Variants in ANKS1B observed in about 807,000 individuals in gnomAD.
ANKS1B encodes the protein ankyrin repeat and sterile alpha motif domain-containing protein 1B.
A neutral mutation model predicts 148.3 loss-of-function variants in ANKS1B; 36 were observed. That is an observed-to-expected ratio of 0.24 (90% CI 0.19 to 0.32). ANKS1B has a LOEUF of 0.32. Ranked by LOEUF, ANKS1B falls within the 10% of genes least tolerant of loss-of-function variation. ANKS1B has a pLI of 1.00. For missense variants in ANKS1B, 1,157 were observed against 1,542.6 expected (o/e 0.75, Z 4.19); for synonymous variants, 542 against 560.8 (o/e 0.97, Z 0.47).
intron 12 of ANKS1B, among the ~76,000 whole-genome samples, chr12:99,366,662 A>G (rs2092787388): frequency 2.0e-5 from 3 of 152,200 alleles, no homozygotes; most frequent in African/African-American, 7.2e-5. Flanking sequence ...AAAAGTAAAA[A>G]AAATTGAATT....
At chr12:99,483,297 C>T (rs1161321629) in intron 10 of ANKS1B, among the ~76,000 whole-genome samples, 1 of 151,794 alleles carries the variant, frequency 6.6e-6, no homozygotes, top group African/African-American at 2.4e-5. Context: ...TGTAATGTAT[C>T]ACACTTATTG....
At chr12:98,885,994 G>A (rs1567541359) in intron 17 of ANKS1B, among the ~76,000 whole-genome samples, 1 of 152,076 alleles carries the variant, frequency 6.6e-6, no homozygotes, top group Non-Finnish European at 1.5e-5. Context: ...GCATTCTAAG[G>A]GAGGGAGGCA....
chr12:99,673,530 T>C (rs1443271009), intron 8 of ANKS1B, among the ~76,000 whole-genome samples: 2 of 152,068 alleles, frequency 1.3e-5, no homozygotes, highest in African/African-American at 2.4e-5. Context: ...AGTATAAGCA[T>C]TATATGACAT....
chr12:99,520,301 CTTTA>C (rs1209012473), intron 9 of ANKS1B, among the ~76,000 whole-genome samples: 5 of 152,114 alleles, frequency 3.3e-5, no homozygotes, highest in South Asian at 2.1e-4. Flanking sequence ...CTGGGAAGAT[CTTTA>C]TTTATCTTTC....
In ANKS1B at chr12:99,506,572, C is replaced by T. The variant is rs572759231; in HGVS notation, c.1273-1931G>A. ...AACTGCAGTGTTCTATCCAGAGAAG[C>T]CTTATAGCCACATAATAGTTTTCTC... On this transcript the variant is annotated intron_variant, in intron 9 of 26. Transcript: ENST00000683438. Among the ~76,000 whole-genome samples, 3 of 151,908 alleles carry T rather than the reference C, an allele frequency of 2.0e-5. No individual in the cohort carries two copies. The South Asian group carries it at 6.2e-4, about 31-fold the overall frequency.
At chr12:99,433,330 G>C (rs763030158) in intron 11 of ANKS1B, among the ~76,000 whole-genome samples, 3 of 152,096 alleles carry the variant, frequency 2.0e-5, no homozygotes, top group Non-Finnish European at 2.9e-5. Context: ...TTAGCCATCA[G>C]AGGTATGATG....
intron 11 of ANKS1B, among the ~76,000 whole-genome samples, chr12:99,423,698 G>A (rs1193430872): frequency 6.6e-6 from 1 of 152,130 alleles, no homozygotes; most frequent in Non-Finnish European, 1.5e-5. Flanking sequence ...GAACATGGAT[G>A]GAGCTGGAGG....
At chr12:99,902,629 T>C (rs954650950) in intron 1 of ANKS1B, among the ~76,000 whole-genome samples, 6 of 152,064 alleles carry the variant, frequency 3.9e-5, no homozygotes, top group African/African-American at 1.4e-4. Context: ...CTAGGTTACT[T>C]GGGTTGAGCA....
At chr12:99,526,478 A>G (rs1040390533) in intron 9 of ANKS1B, among the ~76,000 whole-genome samples, 1 of 152,204 alleles carries the variant, frequency 6.6e-6, no homozygotes, top group African/African-American at 2.4e-5. Context: ...TTTCTATTAA[A>G]TAATAAAATG....
intron 9 of ANKS1B, among the ~76,000 whole-genome samples, chr12:99,634,764 T>C (rs2098215709): frequency 6.6e-6 from 1 of 152,118 alleles, no homozygotes; most frequent in Non-Finnish European, 1.5e-5. Context: ...AAGTAAAAAT[T>C]AGATAAATTG....
chr12:99,395,295 G>C (rs959380213), intron 12 of ANKS1B, among the ~76,000 whole-genome samples: 6 of 152,036 alleles, frequency 3.9e-5, no homozygotes, highest in Non-Finnish European at 8.8e-5. Flanking sequence ...AACTGAATAG[G>C]CTCTAAGAAA....
chr12:99,701,492 G>A (rs2054809769), intron 8 of ANKS1B, among the ~76,000 whole-genome samples: 2 of 151,874 alleles, frequency 1.3e-5, no homozygotes, highest in South Asian at 4.1e-4. Flanking sequence ...CAGGGTAAAC[G>A]AGGTATCCAC....
chr12:99,843,649 G>A (rs995516618), intron 1 of ANKS1B, among the ~76,000 whole-genome samples: 7 of 151,886 alleles, frequency 4.6e-5, no homozygotes, highest in African/African-American at 1.7e-4. Flanking sequence ...TCTTTATCTA[G>A]TCTATCATTG....
rs1433584350 is a variant in ANKS1B, at chr12:99,285,068, C to T, written c.1757-38204G>A. The stretch of plus-strand genomic sequence containing the variant: ...ACCACAATCAACAAAATTGGCATAT[C>T]TATCATCCAAAAATTTCCTTTTACC... On this transcript the variant is annotated intron_variant, in intron 12 of 26. Transcript: ENST00000683438. Among the ~76,000 whole-genome samples, 6 of 152,126 alleles carry T rather than the reference C, an allele frequency of 3.9e-5. No homozygotes were observed. The East Asian group carries it at 1.2e-3, about 29-fold the overall frequency.
At chr12:99,465,738 G>A (rs1240784925) in intron 10 of ANKS1B, among the ~76,000 whole-genome samples, 1 of 152,120 alleles carries the variant, frequency 6.6e-6, no homozygotes, top group Non-Finnish European at 1.5e-5. Flanking sequence ...AACAAGAAGA[G>A]CTAACTATCC....
At chr12:99,052,505 A>G (rs1369717549) in intron 17 of ANKS1B, among the ~76,000 whole-genome samples, 4 of 148,456 alleles carry the variant, frequency 2.7e-5, no homozygotes, top group Non-Finnish European at 5.9e-5. Flanking sequence ...AGGCGGGTGG[A>G]TCATGAGGTC....
intron 8 of ANKS1B, among the ~76,000 whole-genome samples, chr12:99,740,957 C>T (rs1467787496): frequency 1.3e-5 from 2 of 152,084 alleles, no homozygotes; most frequent in Admixed American, 6.5e-5. Flanking sequence ...GGGTTTCAAG[C>T]ACAAAAGTAG....
intron 10 of ANKS1B, among the ~76,000 whole-genome samples, chr12:99,469,623 T>C (rs1485283451): frequency 6.6e-6 from 1 of 152,130 alleles, no homozygotes; most frequent in Non-Finnish European, 1.5e-5. Flanking sequence ...CAAAACAATA[T>C]TTCATGTATT....
chr12:99,529,540 C>T (rs1247415195), intron 9 of ANKS1B, among the ~76,000 whole-genome samples: 1 of 152,056 alleles, frequency 6.6e-6, no homozygotes, highest in African/African-American at 2.4e-5. Context: ...GTAATACCAG[C>T]TACTTGGGAG....
Sources: gnomAD v4.1 joint callset for allele counts (sites outside exome capture counted in the v4.1 genomes callset) on GRCh38, gnomAD v4.1.1 for gene constraint, MANE v1.5 for transcripts, NCBI Gene and HGNC (gene_info 2026-07-23, HGNC 2026-07-21) for gene names.